Variants in SORBS2 observed in about 807,000 individuals in gnomAD.
The protein encoded by SORBS2 is sorbin and SH3 domain containing 2, also known as sorbin and SH3 domain-containing protein 2.
SORBS2 carries 46 observed loss-of-function variants against 97.7 expected under a neutral mutation model. The ratio of observed to expected loss-of-function variants is 0.47; its 90% confidence interval spans 0.37 to 0.60. The LOEUF (loss-of-function observed/expected upper bound fraction) is 0.60. Ranked by LOEUF, SORBS2 falls within the 20% of genes least tolerant of loss-of-function variation. SORBS2 has a pLI of 0.00. For synonymous variants in SORBS2, 476 were observed against 473.4 expected, an observed-to-expected ratio of 1.01 and a Z score of -0.07; for missense variants, 1,316 against 1,282.3, an observed-to-expected ratio of 1.03 and a Z score of -0.40.
intron 1 of SORBS2, among the ~76,000 whole-genome samples, chr4:185,814,794 A>G (rs1240872881): frequency 6.6e-6 from 1 of 152,130 alleles, no homozygotes; most frequent in Non-Finnish European, 1.5e-5. Context: ...ACTGGCCTTC[A>G]CACATCACTC....
At chr4:185,930,864 C>T (rs2099266092) in intron 1 of SORBS2, among the ~76,000 whole-genome samples, 1 of 152,150 alleles carries the variant, frequency 6.6e-6, no homozygotes, top group Admixed American at 6.5e-5. Flanking sequence ...TTTTACTTCT[C>T]CCTTAATTAA....
intron 1 of SORBS2, among the ~76,000 whole-genome samples, chr4:185,797,413 C>T (rs555167539): frequency 1.3e-5 from 2 of 152,274 alleles, no homozygotes; most frequent in East Asian, 3.9e-4. Context: ...CAAATATGAT[C>T]ATTACTTTTC....
At chr4:185,723,149 T>A (rs528856670) in intron 2 of SORBS2, among the ~76,000 whole-genome samples, 74 of 151,122 alleles carry the variant, frequency 4.9e-4, no homozygotes, top group South Asian at 1.9e-3. Context: ...TAAAAAAAAA[T>A]AAAATAAAAT....
At chr4:185,771,075 G>A (rs2098967977) in intron 2 of SORBS2, 1 of 140,362 alleles carries the variant, frequency 7.1e-6, no homozygotes, top group African/African-American at 2.7e-5. Flanking sequence ...CCGCCTCCCA[G>A]GTTCAAGCTA....
In SORBS2 at chr4:185,623,456, A is replaced by T; in HGVS notation, c.1673T>A (p.Ile558Asn). 2 of 1,612,374 alleles carry T rather than the reference A, an allele frequency of 1.2e-6. No individual in the cohort carries two copies. Among genetic ancestry groups the T allele is most frequent in the Non-Finnish European group, 1.7e-6 (2 of 1,179,984 alleles). The change falls in exon 7 of 15, where the codon ATC (isoleucine) becomes AAC (asparagine). Residue 558 changes from isoleucine (I) to asparagine (N), a missense_variant. Transcript: ENST00000418609. The surrounding 1 kb of genome is among the most constrained non-coding windows in gnomAD (Gnocchi z 6.4). ...CGGGCACCTGCCTTTGCAGGAGCTGATGAGGTGGCGGTGGTGGTGGTGGTG... is the reference window on the plus strand; with the variant it reads ...CGGGCACCTGCCTTTGCAGGAGCTGTTGAGGTGGCGGTGGTGGTGGTGGTG...
At chr4:185,940,578 C>T (rs1251143872) in intron 1 of SORBS2, among the ~76,000 whole-genome samples, 2 of 152,294 alleles carry the variant, frequency 1.3e-5, no homozygotes, top group East Asian at 3.9e-4. Flanking sequence ...AGCTTCTCAG[C>T]ATATAAAGAA....
chr4:185,748,775 C>T (rs1332655509), intron 2 of SORBS2, among the ~76,000 whole-genome samples: 3 of 152,214 alleles, frequency 2.0e-5, no homozygotes, highest in Admixed American at 6.5e-5. Context: ...GATAGCTAAA[C>T]CTGGCTTATG....
At chr4:185,749,656 T>C (rs146822534) in intron 2 of SORBS2, among the ~76,000 whole-genome samples, 1 of 152,220 alleles carries the variant, frequency 6.6e-6, no homozygotes, top group Non-Finnish European at 1.5e-5. Context: ...ATTAGTTCAA[T>C]GTATGCATTA....
intron 13 of SORBS2, among the ~76,000 whole-genome samples, chr4:185,591,306 G>T (rs2095927690): frequency 2.0e-5 from 3 of 152,180 alleles, no homozygotes; most frequent in African/African-American, 7.2e-5. Context: ...CCTTCCAGTA[G>T]ACCTTACAGC....
chr4:185,896,452 T>C (rs958013662), intron 1 of SORBS2, among the ~76,000 whole-genome samples: 2 of 152,058 alleles, frequency 1.3e-5, no homozygotes, highest in Admixed American at 1.3e-4. Context: ...GGTTTGTTGG[T>C]GCACGCCTGT....
At chr4:185,608,273 G>T (rs1157674761) in intron 12 of SORBS2, among the ~76,000 whole-genome samples, 1 of 152,170 alleles carries the variant, frequency 6.6e-6, no homozygotes, top group Non-Finnish European at 1.5e-5. Flanking sequence ...ATTTCTAAGT[G>T]AATAAGTTCT....
At chr4:185,793,415 G>A (rs544484337) in intron 1 of SORBS2, among the ~76,000 whole-genome samples, 1 of 152,284 alleles carries the variant, frequency 6.6e-6, no homozygotes, top group South Asian at 2.1e-4. Context: ...GTTTGCCTTA[G>A]TGCAATGTAA....
chr4:185,586,518 T>C (rs2095802723), exon 15 of SORBS2: 1 of 152,668 alleles, frequency 6.6e-6, no homozygotes, highest in African/African-American at 2.4e-5. Flanking sequence ...GTAGTAATCC[T>C]AATCCTTGCT....
chr4:185,786,990 A>AC (rs1215883147), intron 1 of SORBS2, among the ~76,000 whole-genome samples: 1 of 150,970 alleles, frequency 6.6e-6, no homozygotes, highest in Admixed American at 6.6e-5. Context: ...CAAAAAAAAA[A>AC]AAAAATAGCA....
intron 2 of SORBS2, among the ~76,000 whole-genome samples, chr4:185,753,655 A>G (rs1325648481): frequency 6.6e-6 from 1 of 152,202 alleles, no homozygotes; most frequent in Non-Finnish European, 1.5e-5. Context: ...TTCTATCAGT[A>G]GGCAGAAATG....
intron 2 of SORBS2, 109 bp from the exon 11 acceptor site, chr4:185,651,937 T>A: frequency 1.4e-6 from 1 of 692,684 alleles, no homozygotes; most frequent in Non-Finnish European, 2.6e-6. Context: ...GCAACGTATT[T>A]TTCCTAGTTC....
intron 1 of SORBS2, among the ~76,000 whole-genome samples, chr4:185,861,610 T>TC (rs1170717262): frequency 1.4e-5 from 2 of 147,272 alleles, no homozygotes; most frequent in Admixed American, 1.4e-4. Context: ...TTTTTTTTTT[T>TC]TTCTTTCTTT....
rs376010882 is a variant in SORBS2, at chr4:185,916,832, T to C, written c.-338+39364A>G. Among the ~76,000 whole-genome samples the C allele has an allele frequency of 6.6e-5, 10 of 152,336 alleles. No individual in the cohort carries two copies. The East Asian group carries it at 1.9e-3, about 29-fold the overall frequency. The stretch of plus-strand genomic sequence containing the variant: ...AAATAGTAACAGTGCACAGGTTGAC[T>C]ATACAACTCGTCAAATCCTTAGAAT... On this transcript the variant is annotated intron_variant, in intron 1 of 20. Coordinates refer to the SORBS2 transcript ENST00000284776.
In SORBS2 at chr4:185,871,569, A is replaced by T. The variant is rs558697888; in HGVS notation, c.-338+84627T>A. On this transcript the variant is annotated intron_variant, in intron 1 of 20. Transcript: ENST00000284776. ...GCGGAAATGCTAAAATTCTCAAGAC[A>T]TGCAGGCAGTGGTTTCCTGCTGAAA... Among the ~76,000 whole-genome samples, 11 of 152,360 alleles carry T rather than the reference A, an allele frequency of 7.2e-5. No homozygotes were observed. In the South Asian group the frequency reaches 2.3e-3, roughly 32 times the overall value.
Sources: allele counts gnomAD v4.1 joint callset (sites outside exome capture counted in the v4.1 genomes callset), GRCh38; gene constraint gnomAD v4.1.1; non-coding constraint Gnocchi (gnomAD v3.1); transcripts MANE v1.5; gene names NCBI Gene and HGNC (gene_info 2026-07-23, HGNC 2026-07-21).